The following EDA variants were observed in gnomAD, a reference collection of about 807,000 sequenced individuals.
EDA encodes ectodysplasin-A.
Under a neutral mutation model 23.6 loss-of-function variants are expected in EDA, and 2 were observed. The observed-to-expected ratio is 0.08, with a 90% CI of 0.03 to 0.27. EDA has a LOEUF of 0.27. EDA is among the 10% of genes least tolerant of loss of function. EDA has a pLI of 1.00. For missense variants in EDA, 229 were observed against 324.2 expected, an observed-to-expected ratio of 0.71 and a Z score of 2.26; for synonymous variants, 131 against 132.0, an observed-to-expected ratio of 0.99 and a Z score of 0.05.
chrX:69,827,365 A>G (rs1450471421), intron 1 of EDA, among the ~76,000 whole-genome samples: 1 of 111,874 alleles, frequency 8.9e-6, no homozygotes, highest in Admixed American at 9.5e-5. Context: ...GTCTTTTCAC[A>G]TAGTCCCATA....
intron 1 of EDA, among the ~76,000 whole-genome samples, chrX:69,625,947 A>G (rs1452536647): frequency 1.8e-5 from 2 of 111,469 alleles, no homozygotes; most frequent in Non-Finnish European, 3.8e-5. Flanking sequence ...AGGAATTTAC[A>G]AAGGATTCTT....
chrX:69,736,774 CT>C (rs3047817), intron 1 of EDA, among the ~76,000 whole-genome samples: 2 of 89,406 alleles, frequency 2.2e-5, no homozygotes, highest in African/African-American at 4.2e-5. Flanking sequence ...CTTACTCCAA[CT>C]TTTTTTTTTT....
rs779537243 is a variant in EDA at position 69,836,536 on chromosome X, C to T, written c.397-120491C>T. Among the ~76,000 whole-genome samples the T allele has an allele frequency of 5.3e-5, 6 of 112,657 alleles. No homozygotes were observed. The East Asian group carries it at 1.1e-3, about 21-fold the overall frequency. On this transcript the variant is annotated intron_variant, in intron 1 of 7. Coordinates refer to ENST00000374552, the MANE Select transcript of EDA (RefSeq NM_001399.5). ...AAGGCTTTGTGGGTGTGGGACCCAC[C>T]GAGCCAGGCATTGGAGAGAATCTTC...
intron 1 of EDA, among the ~76,000 whole-genome samples, chrX:69,807,379 G>T (rs2015838754): frequency 9.8e-6 from 1 of 101,925 alleles, no homozygotes; most frequent in African/African-American, 3.6e-5. Flanking sequence ...AGTGTAGTCT[G>T]GGACAACATG....
intron 1 of EDA, among the ~76,000 whole-genome samples, chrX:69,753,382 C>T (rs891319253): frequency 8.9e-6 from 1 of 111,939 alleles, no homozygotes; most frequent in African/African-American, 3.3e-5. Flanking sequence ...TGTAGTTGAG[C>T]AGTTTTGAGT....
rs1219151730 is a variant in EDA, at chrX:69,716,442, C to A, written c.396+99738C>A. ...CATTGATCTATGCATCTGTTTTGTT[C>A]CATTACCATGCTGTTTTGGTTACTG... On this transcript the variant is annotated intron_variant, in intron 1 of 7. Transcript: ENST00000374552. Among the ~76,000 whole-genome samples the A allele has an allele frequency of 2.7e-5, 3 of 110,778 alleles. No homozygotes were observed. In the East Asian group the frequency reaches 8.5e-4, roughly 31 times the overall value.
At chrX:69,915,609 A>T (rs1358033496) in intron 1 of EDA, among the ~76,000 whole-genome samples, 4 of 107,103 alleles carry the variant, frequency 3.7e-5, no homozygotes, top group African/African-American at 1.4e-4. Flanking sequence ...AAAAAGCATC[A>T]TGACAGGTGT....
chrX:69,817,937 C>T (rs769865833), intron 1 of EDA, among the ~76,000 whole-genome samples: 1 of 112,083 alleles, frequency 8.9e-6, no homozygotes, highest in Admixed American at 9.5e-5. Context: ...CTCATTGCCA[C>T]ATTGTACTTA....
At chrX:69,864,700 C>A (rs1452369024) in intron 1 of EDA, among the ~76,000 whole-genome samples, 2 of 111,899 alleles carry the variant, frequency 1.8e-5, no homozygotes, top group Non-Finnish European at 3.8e-5. Context: ...CAACTTAAAT[C>A]AAAAACATGG....
chrX:69,820,561 C>T (rs1449745827), intron 1 of EDA, among the ~76,000 whole-genome samples: 1 of 110,902 alleles, frequency 9.0e-6, no homozygotes, highest in East Asian at 2.8e-4. Flanking sequence ...AAAAACAACC[C>T]CATTAAAAGG....
chrX:69,881,767 C>T (rs2017751774), intron 1 of EDA, among the ~76,000 whole-genome samples: 1 of 111,977 alleles, frequency 8.9e-6, no homozygotes, highest in Admixed American at 9.5e-5. Context: ...CACATCTGCT[C>T]GGCTTCTGGC....
chrX:69,845,751 T>C (rs763225506), intron 1 of EDA, among the ~76,000 whole-genome samples: 8 of 111,858 alleles, frequency 7.2e-5, no homozygotes, highest in African/African-American at 2.3e-4. Flanking sequence ...TTGCTCTTTC[T>C]TGGATATTTG....
Position 69,914,088 on chromosome X carries a change from A to G in EDA, c.397-42939A>G, listed in dbSNP as rs770118810. On this transcript the variant is annotated intron_variant, in intron 1 of 7. Coordinates refer to ENST00000374552, the MANE Select transcript of EDA (RefSeq NM_001399.5). ...GAAAACTTTTGAAATATTGTGAGAA[A>G]TACCAAAATGTGACACAGAGACCCA... Among the ~76,000 whole-genome samples the G allele has an allele frequency of 4.4e-5, 5 of 112,538 alleles. No individual in the cohort carries two copies. In the East Asian group the frequency reaches 1.4e-3, roughly 31 times the overall value.
rs185369721 is a variant in EDA, at chrX:69,778,084, T to A, written c.396+161380T>A. ...TATATAATGATCATATTTAGTTGAG[T>A]TTCTAAAGTTTATCTTTTAATTCAA... On this transcript the variant is annotated intron_variant, in intron 1 of 7. Transcript: ENST00000374552. 7.2e-5 allele frequency among the ~76,000 whole-genome samples: 8 copies of A among 111,579 alleles called. No homozygotes were observed. The East Asian group carries it at 2.0e-3, about 27-fold the overall frequency.
intron 1 of EDA, among the ~76,000 whole-genome samples, chrX:69,853,538 A>G (rs980691390): frequency 8.9e-6 from 1 of 112,288 alleles, no homozygotes; most frequent in African/African-American, 3.2e-5. Context: ...GATTTTCAAT[A>G]AGTTCTAAGC....
intron 1 of EDA, among the ~76,000 whole-genome samples, chrX:69,953,188 C>A (rs1053364516): frequency 2.4e-4 from 27 of 112,026 alleles, no homozygotes; most frequent in African/African-American, 7.1e-4. Flanking sequence ...TTAGTTTTAA[C>A]TAAATGTCAA....
chrX:69,708,830 G>A (rs926177506), intron 1 of EDA, among the ~76,000 whole-genome samples: 3 of 111,152 alleles, frequency 2.7e-5, no homozygotes, highest in African/African-American at 9.8e-5. Context: ...AGCAAGGAAA[G>A]GGATGTATAA....
At chrX:69,773,790 C>T (rs2014703321) in intron 1 of EDA, among the ~76,000 whole-genome samples, 1 of 111,419 alleles carries the variant, frequency 9.0e-6, no homozygotes, top group Non-Finnish European at 1.9e-5. Flanking sequence ...TGTATATATT[C>T]TGGAATTAAT....
At chrX:69,959,056 C>G (rs1237355755) in intron 2 of EDA, among the ~76,000 whole-genome samples, 1 of 112,129 alleles carries the variant, frequency 8.9e-6, no homozygotes, top group Non-Finnish European at 1.9e-5. Flanking sequence ...TTCCCTAAAA[C>G]TACTTTATCC....
Sources: gnomAD v4.1 joint callset for allele counts (sites outside exome capture counted in the v4.1 genomes callset) on GRCh38, gnomAD v4.1.1 for gene constraint, MANE v1.5 for transcripts, NCBI Gene and HGNC (gene_info 2026-07-23, HGNC 2026-07-21) for gene names.